Variants in VEZT observed in about 807,000 individuals in gnomAD.
VEZT encodes vezatin.
Under a neutral mutation model 79.9 loss-of-function variants are expected in VEZT, and 39 were observed. The ratio of observed to expected loss-of-function variants is 0.49; its 90% confidence interval spans 0.38 to 0.64. VEZT has a LOEUF of 0.64. Among genes scored for constraint, VEZT ranks in the 30% least tolerant of loss-of-function variants. VEZT has a pLI of 0.00. For missense variants in VEZT, 837 were observed against 893.1 expected (o/e 0.94, Z 0.80); for synonymous variants, 325 against 327.6 (o/e 0.99, Z 0.09).
intron 3 of VEZT, among the ~76,000 whole-genome samples, chr12:95,261,005 TA>T (rs10626291): frequency 0.12 from 15,254 of 131,178 alleles, 1,065 homozygotes; most frequent in Non-Finnish European, 0.17. Flanking sequence ...CAGTAGATGG[TA>T]AAAAAAAAAA....
At chr12:95,273,240 G>GAA (rs202064759) in intron 6 of VEZT, among the ~76,000 whole-genome samples, 1 of 149,472 alleles carries the variant, frequency 6.7e-6, no homozygotes, top group Non-Finnish European at 1.5e-5. Flanking sequence ...TATATTAAGT[G>GAA]AAAAAAAAAC....
chr12:95,222,136 A>G (rs899457651), intron 1 of VEZT, among the ~76,000 whole-genome samples: 9 of 152,078 alleles, frequency 5.9e-5, no homozygotes, highest in African/African-American at 2.2e-4. Flanking sequence ...TGGCCTCTGC[A>G]CTCTTTTAAT....
rs115874550 is a variant in VEZT, at chr12:95,224,386, C to T, written c.36+6500C>T. On this transcript the variant is annotated intron_variant, in intron 1 of 11. Coordinates refer to ENST00000436874, the MANE Select transcript of VEZT (RefSeq NM_017599.4). ...TGGAATGCAGTGTTAACCATCATAA[C>T]TCACTGCAGCCTCCAACTCCTGGCT... 2.3e-3 allele frequency: 894 copies of T among 383,608 alleles called. 10 individuals are homozygous for T. The highest frequency in any genetic ancestry group is 0.017 in the African/African-American group (796 of 47,628). 23.8% of individuals were successfully genotyped at this position (383,608 alleles called of 1,614,324 possible).
At chr12:95,295,819 CT>C (rs1031867898) in intron 10 of VEZT, among the ~76,000 whole-genome samples, 6 of 152,124 alleles carry the variant, frequency 3.9e-5, no homozygotes, top group Non-Finnish European at 8.8e-5. Flanking sequence ...AGTTGTTAAA[CT>C]TTTTTTATCC....
intron 1 of VEZT, among the ~76,000 whole-genome samples, chr12:95,234,414 C>T (rs1249592998): frequency 2.6e-5 from 4 of 151,730 alleles, no homozygotes; most frequent in African/African-American, 7.3e-5. Context: ...CTCAGCCTGC[C>T]GAGTAGCTGG....
chr12:95,229,393 A>G (rs1398546717), intron 1 of VEZT, among the ~76,000 whole-genome samples: 1 of 152,222 alleles, frequency 6.6e-6, no homozygotes, highest in Non-Finnish European at 1.5e-5. Flanking sequence ...CATTGTGGAA[A>G]GAGGACCAGA....
At chr12:95,280,456 C>T (rs552102571) in intron 7 of VEZT, among the ~76,000 whole-genome samples, 14 of 142,940 alleles carry the variant, frequency 9.8e-5, no homozygotes, top group Non-Finnish European at 1.4e-4. Flanking sequence ...TCTCTCCCCC[C>T]CTTTCATATG....
intron 1 of VEZT, among the ~76,000 whole-genome samples, chr12:95,241,199 A>G (rs1259144562): frequency 6.6e-6 from 1 of 151,816 alleles, no homozygotes; most frequent in Non-Finnish European, 1.5e-5. Context: ...CGCCCGGCTA[A>G]TTTTTGTATT....
intron 3 of VEZT, among the ~76,000 whole-genome samples, chr12:95,259,765 A>G (rs565746518): frequency 1.3e-5 from 2 of 152,212 alleles, no homozygotes; most frequent in Non-Finnish European, 2.9e-5. Context: ...CCCAGTCCAA[A>G]TAGTACTGTC....
At chr12:95,234,712 T>C (rs2059774488) in intron 1 of VEZT, among the ~76,000 whole-genome samples, 1 of 152,108 alleles carries the variant, frequency 6.6e-6, no homozygotes, top group Admixed American at 6.5e-5. Flanking sequence ...TTGGGTGTGA[T>C]TTGGCAGGGT....
At chr12:95,297,668 T>C (rs17041182) in intron 11 of VEZT, among the ~76,000 whole-genome samples, 2,331 of 152,314 alleles carry the variant, frequency 0.015, 64 homozygotes, top group African/African-American at 0.054. Context: ...CTCCCTTTCT[T>C]ATTGTGTTGA....
intron 9 of VEZT, among the ~76,000 whole-genome samples, chr12:95,288,437 G>A (rs1214418075): frequency 6.6e-6 from 1 of 152,034 alleles, no homozygotes; most frequent in Non-Finnish European, 1.5e-5. Context: ...TTTTATGCTT[G>A]TTTTTACCTC....
At chr12:95,281,577 G>GTTGT (rs2069118632) in intron 7 of VEZT, among the ~76,000 whole-genome samples, 1 of 137,674 alleles carries the variant, frequency 7.3e-6, no homozygotes, top group South Asian at 2.2e-4. Flanking sequence ...ATGGAGTCTT[G>GTTGT]CTGTGTCACC....
chr12:95,245,520 G>A, intron 1 of VEZT: 1 of 456,670 alleles, frequency 2.2e-6, no homozygotes, highest in Non-Finnish European at 4.4e-6. Flanking sequence ...TATCCCCTGT[G>A]CCTACATGTT....
chr12:95,266,406 A>G lies in VEZT; in HGVS notation c.484A>G (p.Thr162Ala), dbSNP rs17855933. The change falls in exon 5 of 12, where the codon ACT becomes GCT. Residue 162 changes from threonine (T) to alanine (A), a missense_variant. Coordinates refer to ENST00000436874, the MANE Select transcript of VEZT (RefSeq NM_017599.4). ...CATTAGCTTGCTCGTTATGCTTCCCACTTGGTGGATTGTGTCTTCCTGGCT... is the reference window on the plus strand; with the variant it reads ...CATTAGCTTGCTCGTTATGCTTCCCGCTTGGTGGATTGTGTCTTCCTGGCT... ...AFISLLVMLPTWWIVSSWLVW... is the reference protein window; with the variant it reads ...AFISLLVMLPAWWIVSSWLVW... The G allele has an allele frequency of 0.092, 148,544 of 1,613,624 alleles. 7,325 individuals carry two copies. Among genetic ancestry groups the G allele is most frequent in the Middle Eastern group, 0.1 (626 of 6,062 alleles).
intron 11 of VEZT, chr12:95,296,839 C>CT (rs2139879893): frequency 6.6e-6 from 1 of 152,544 alleles, no homozygotes; most frequent in Admixed American, 6.5e-5. Flanking sequence ...ACTCGAGAGG[C>CT]TGAGGCAGGA....
intron 2 of VEZT, chr12:95,252,580 G>A (rs1479544149): frequency 6.6e-6 from 1 of 152,200 alleles, no homozygotes; most frequent in Non-Finnish European, 1.5e-5. Flanking sequence ...CAGCATTGAG[G>A]CCGAGATACT....
At chr12:95,274,297 T>G (rs2067192580) in intron 6 of VEZT, among the ~76,000 whole-genome samples, 2 of 151,892 alleles carry the variant, frequency 1.3e-5, no homozygotes, top group African/African-American at 4.8e-5. Flanking sequence ...AAACATCATC[T>G]CTAGAAAAAA....
At chr12:95,275,351 G>C (rs772583431) in intron 7 of VEZT, among the ~76,000 whole-genome samples, 1 of 152,104 alleles carries the variant, frequency 6.6e-6, no homozygotes, top group Non-Finnish European at 1.5e-5. Flanking sequence ...CCAGCACTTT[G>C]GGAGGCCAAA....
Sources: allele counts gnomAD v4.1 joint callset (sites outside exome capture counted in the v4.1 genomes callset), GRCh38; gene constraint gnomAD v4.1.1; transcripts MANE v1.5; gene names NCBI Gene and HGNC (gene_info 2026-07-23, HGNC 2026-07-21).